TMEM245: variants seen among roughly 807,000 people sequenced by gnomAD.
TMEM245 encodes transmembrane protein 245, also known as protein CG-2.
In TMEM245, 69 loss-of-function variants were observed where a neutral mutation model predicts 101.2. The ratio of observed to expected loss-of-function variants is 0.68; its 90% CI spans 0.56 to 0.83. The LOEUF is 0.83. Among genes scored for constraint, TMEM245 ranks in the 40% least tolerant of loss-of-function variants. The pLI is 0.00. For missense variants in TMEM245, 1,075 were observed against 1,092.8 expected (o/e 0.98, Z 0.23); for synonymous variants, 537 against 449.8 (o/e 1.19, Z -2.45).
chr9:109,106,708 T>C (rs962690564), intron 2 of TMEM245, 99 bp from the exon 3 acceptor site: 9 of 734,856 alleles, frequency 1.2e-5, no homozygotes, highest in East Asian at 2.9e-5. Context: ...ATCTGGTATA[T>C]ATATTAGTTA....
At chr9:109,103,514 T>C (rs750434493) in intron 3 of TMEM245, among the ~76,000 whole-genome samples, 1 of 152,060 alleles carries the variant, frequency 6.6e-6, no homozygotes, top group Non-Finnish European at 1.5e-5. Flanking sequence ...AAAAAGAACA[T>C]GTGGTACTTA....
chr9:109,114,798 C>CA (rs1830668577), intron 1 of TMEM245, among the ~76,000 whole-genome samples: 1 of 152,174 alleles, frequency 6.6e-6, no homozygotes, highest in Admixed American at 6.5e-5. Flanking sequence ...TGCACAGCTC[C>CA]ACCATGGGAA....
rs1240426166 is a variant in TMEM245, at chr9:109,119,915, G to A, written c.-2C>T. On this transcript the variant is annotated 5_prime_UTR_variant, in exon 1 of 18. It adds an upstream start codon to the 5' untranslated region. Transcript: ENST00000374586. Reference sequence around the variant, plus strand: ...CTTAGGGCCGCCGCCGTCGGCCATCGTTCCTCCGCCACAGCCGCCCCCGAG... The same window carrying A: ...CTTAGGGCCGCCGCCGTCGGCCATCATTCCTCCGCCACAGCCGCCCCCGAG... 19 of 1,279,868 alleles carry A rather than the reference G, an allele frequency of 1.5e-5. No individual in the cohort carries two copies. Among genetic ancestry groups the A allele is most frequent in the South Asian group, 3.1e-5 (1 of 32,076 alleles). 79.3% of individuals were successfully genotyped at this position (1,279,868 alleles called of 1,614,324 possible).
At chr9:109,083,886 T>C (rs573676226) in intron 7 of TMEM245, among the ~76,000 whole-genome samples, 3 of 53,526 alleles carry the variant, frequency 5.6e-5, no homozygotes, top group South Asian at 1.6e-3. Context: ...CAAAACCCCA[T>C]CTCTACTAAA....
intron 17 of TMEM245, among the ~76,000 whole-genome samples, chr9:109,027,391 C>A (rs1827821898): frequency 6.6e-6 from 1 of 152,050 alleles, no homozygotes; most frequent in South Asian, 2.1e-4. Context: ...AACTAGTGCA[C>A]AACAGGCAGA....
intron 17 of TMEM245, among the ~76,000 whole-genome samples, chr9:109,027,065 A>G (rs1483637090): frequency 6.6e-6 from 1 of 152,182 alleles, no homozygotes; most frequent in Non-Finnish European, 1.5e-5. Flanking sequence ...AATGAAAAAC[A>G]GACTAACACA....
chr9:109,066,988 A>C (rs1829189476), intron 9 of TMEM245, among the ~76,000 whole-genome samples: 1 of 150,954 alleles, frequency 6.6e-6, no homozygotes, highest in South Asian at 2.1e-4. Context: ...CCCAGGAGGC[A>C]GAGGTTGCAG....
In TMEM245 at chr9:109,081,625, T is replaced by C. The variant is rs375247604; in HGVS notation, c.1345-682A>G. 9.5e-4 allele frequency among the ~76,000 whole-genome samples: 145 copies of C among 152,304 alleles called. 3 individuals are homozygous for C. The South Asian group carries it at 0.026, about 27-fold the overall frequency. The stretch of plus-strand genomic sequence containing the variant: ...ATTTGTTTTATTAAGGGGGGAGTCA[T>C]TGGTAGATAGTCTTTACATCTTTTT... On this transcript the variant is annotated intron_variant, in intron 7 of 17. Transcript: ENST00000374586.
chr9:109,114,063 C>T lies in TMEM245; in HGVS notation c.579+5272G>A, dbSNP rs1413207833. 4.6e-5 allele frequency among the ~76,000 whole-genome samples: 7 copies of T among 152,106 alleles called. No individual in the cohort carries two copies. The South Asian group carries it at 1.5e-3, about 32-fold the overall frequency. On this transcript the variant is annotated intron_variant, in intron 1 of 17. Coordinates refer to ENST00000374586, the MANE Select transcript of TMEM245 (RefSeq NM_032012.4). ...TGCACTCCAGCCTGGGCAACAAGAGCGTAAATCCATCCCCAAAACAAAACA... is the reference window on the plus strand; with the variant it reads ...TGCACTCCAGCCTGGGCAACAAGAGTGTAAATCCATCCCCAAAACAAAACA...
chr9:109,025,134 T>C (rs947385413), intron 17 of TMEM245, among the ~76,000 whole-genome samples: 1 of 152,196 alleles, frequency 6.6e-6, no homozygotes, highest in South Asian at 2.1e-4. Context: ...CTTTTCTCAA[T>C]CTTCTAAAGT....
chr9:109,064,259 A>G (rs17802364), intron 10 of TMEM245, among the ~76,000 whole-genome samples: 1,748 of 152,322 alleles, frequency 0.011, 14 homozygotes, highest in South Asian at 0.031. Flanking sequence ...AATCACATCT[A>G]TCTTGAAAAA....
intron 12 of TMEM245, among the ~76,000 whole-genome samples, chr9:109,055,623 C>T (rs557427938): frequency 1.9e-4 from 29 of 150,230 alleles, no homozygotes; most frequent in Middle Eastern, 3.4e-3. Context: ...ATTTCAATCA[C>T]GGTTTCTTTT....
chr9:109,036,120 C>T, intron 16 of TMEM245, 86 bp downstream of exon 16: 1 of 1,185,362 alleles, frequency 8.4e-7, no homozygotes, highest in South Asian at 1.9e-5. Context: ...TTTGTATACC[C>T]CCAGGAGAAA....
At chr9:109,042,839 A>T (rs922898554) in intron 14 of TMEM245, among the ~76,000 whole-genome samples, 3 of 115,528 alleles carry the variant, frequency 2.6e-5, no homozygotes, top group African/African-American at 3.4e-5. Context: ...ATAGCTGACA[A>T]TTTTTTTTTT....
At chr9:109,054,937 AACT>A (rs1397929505) in intron 12 of TMEM245, among the ~76,000 whole-genome samples, 1 of 152,228 alleles carries the variant, frequency 6.6e-6, no homozygotes, top group Non-Finnish European at 1.5e-5. Flanking sequence ...TTCATACAAA[AACT>A]ACTAATCATC....
rs1827420882 is a variant in TMEM245, at chr9:109,015,717, T to TTGA, written c.*4742_*4743insTCA. 1 of 152,610 alleles carries TTGA rather than the reference T, an allele frequency of 6.6e-6. No individual in the cohort carries two copies. Among genetic ancestry groups the TTGA allele is most frequent in the South Asian group, 2.1e-4 (1 of 4,826 alleles). The allele number at this position is 152,610 out of a possible 1,614,324, so 9.5% of individuals were successfully genotyped here. ...ACTTAGGGGAATATCACCAAAAACT[T>TTGA]TTCAGAGCCTCCAGAGCCCCCCCAT... On this transcript the variant is annotated 3_prime_UTR_variant, in exon 18 of 18. Coordinates refer to ENST00000374586, the MANE Select transcript of TMEM245 (RefSeq NM_032012.4).
intron 3 of TMEM245, among the ~76,000 whole-genome samples, chr9:109,094,495 T>G (rs527265184): frequency 6.6e-6 from 1 of 152,158 alleles, no homozygotes; most frequent in Admixed American, 6.5e-5. Flanking sequence ...CAGGAAGGCA[T>G]ATGGTTTTTC....
intron 14 of TMEM245, among the ~76,000 whole-genome samples, chr9:109,043,793 T>C (rs918050201): frequency 1.1e-4 from 17 of 152,132 alleles, no homozygotes; most frequent in African/African-American, 1.7e-4. Flanking sequence ...TGTCCCATAC[T>C]ATATATAGAC....
At chr9:109,050,748 G>C (rs1185484687) in intron 12 of TMEM245, 56 bp from the exon 13 acceptor site, 2 of 1,603,920 alleles carry the variant, frequency 1.2e-6, no homozygotes, top group African/African-American at 2.7e-5. Context: ...AAAGTTTCTA[G>C]AGCCATCTAG....
Sources: allele counts gnomAD v4.1 joint callset (sites outside exome capture counted in the v4.1 genomes callset), GRCh38; gene constraint gnomAD v4.1.1; transcripts MANE v1.5; gene names NCBI Gene and HGNC (gene_info 2026-07-23, HGNC 2026-07-21).